IRF6: variants seen among roughly 807,000 people sequenced by gnomAD.
IRF6 encodes the protein Van der Woude syndrome.
In IRF6, 6 loss-of-function variants were observed where a neutral mutation model predicts 51.4. The observed-to-expected ratio is 0.12, with a 90% CI of 0.06 to 0.23. The LOEUF is 0.23. Among genes scored for constraint, IRF6 ranks in the 10% least tolerant of loss-of-function variants. IRF6 has a pLI of 1.00. For missense variants in IRF6, 348 were observed against 585.2 expected (o/e 0.59, Z 4.18); for synonymous variants, 178 against 215.7 (o/e 0.83, Z 1.53).
Position 209,801,221 on chromosome 1 carries a change from G to T in IRF6, c.174+19C>A. 2 of 1,522,518 alleles carry T rather than the reference G, an allele frequency of 1.3e-6. No homozygotes were observed. Among genetic ancestry groups the T allele is most frequent in the Non-Finnish European group, 9.1e-7 (1 of 1,101,426 alleles). The allele number at this position is 1,522,518 out of a possible 1,614,324, so 94.3% of individuals were successfully genotyped here. On this transcript the variant is annotated intron_variant, in intron 3 of 8. Transcript: ENST00000367021. ...AAAAAAAAATCCAGAAAGGTCTGATGGTAGAAGAAGTCCTTTACCTTAAAA... is the reference window on the plus strand; with the variant it reads ...AAAAAAAAATCCAGAAAGGTCTGATTGTAGAAGAAGTCCTTTACCTTAAAA...
At position 209,796,623 on chromosome 1, in the gene IRF6, T is replaced by TCATAGA. The variant is rs2077902971; in HGVS notation, c.175-77_175-72dup. Reference sequence around the variant, plus strand: ...CTGCAAAGCATGTGCTTACCCTTTCTCATAGACACAAACACACACACACAC... The same window carrying TCATAGA: ...CTGCAAAGCATGTGCTTACCCTTTCTCATAGACATAGACACAAACACACACACACAC... On this transcript the variant is annotated intron_variant, in intron 3 of 8. Transcript: ENST00000367021. The surrounding 1 kb of genome is among the most constrained non-coding windows in gnomAD (Gnocchi z 4.5). The TCATAGA allele has an allele frequency of 6.4e-6, 6 of 939,022 alleles. No homozygotes were observed. The South Asian group carries it at 8.2e-5, about 13-fold the overall frequency. 58.2% of individuals were successfully genotyped at this position (939,022 alleles called of 1,614,324 possible). A position where few individuals can be genotyped will look rare whatever the true frequency, so the allele number is the denominator to read the frequency against.
chr1:209,791,351 A>C (rs892624833), intron 6 of IRF6, among the ~76,000 whole-genome samples: 3 of 152,256 alleles, frequency 2.0e-5, no homozygotes, highest in African/African-American at 7.2e-5. Flanking sequence ...GATCTGCTCT[A>C]ATAATATACC....
chr1:209,805,511 A>C (rs2077968724), intron 1 of IRF6, among the ~76,000 whole-genome samples: 1 of 152,194 alleles, frequency 6.6e-6, no homozygotes. Context: ...AATGCTCCAA[A>C]GCTCCTGGCC....
intron 8 of IRF6, 73 bp downstream of exon 8, chr1:209,789,594 G>C: frequency 1.9e-6 from 2 of 1,067,226 alleles, no homozygotes; most frequent in Non-Finnish European, 2.9e-6. Context: ...CTTGATGAGG[G>C]CTCAACCCAG....
In IRF6 at chr1:209,796,890, G is replaced by A. The variant is rs192578071; in HGVS notation, c.175-338C>T. On this transcript the variant is annotated intron_variant, in intron 3 of 8. Transcript: ENST00000367021. The surrounding 1 kb of genome is among the most constrained non-coding windows in gnomAD (Gnocchi z 4.5). ...TGAAGGGCTGAAGATAAAGCCTGCT[G>A]AAAATATGCACCAAAGTGCAGATGG... Among the ~76,000 whole-genome samples, 6 of 152,364 alleles carry A rather than the reference G, an allele frequency of 3.9e-5. No homozygotes were observed. The highest frequency in any genetic ancestry group is 1.2e-4 in the African/African-American group (5 of 41,590).
intron 5 of IRF6, chr1:209,792,678 C>T (rs2077876462): frequency 1.8e-6 from 1 of 547,738 alleles, no homozygotes; most frequent in African/African-American, 1.9e-5. Flanking sequence ...TGAAGATTAA[C>T]ATAGACATGT....
At position 209,795,461 on chromosome 1, in the gene IRF6, C is replaced by T. The variant is rs1365947534; in HGVS notation, c.380-43G>A. The T allele has an allele frequency of 4.3e-6, 7 of 1,611,380 alleles. No individual in the cohort carries two copies. In the African/African-American group the frequency reaches 5.3e-5, roughly 12 times the overall value. Reference sequence around the variant, plus strand: ...GCTCGCAGGTGAGCCATTCAGGTTGCACTGCCACCCCTGCAGCTGACCCAC... The same window carrying T: ...GCTCGCAGGTGAGCCATTCAGGTTGTACTGCCACCCCTGCAGCTGACCCAC... On this transcript the variant is annotated intron_variant, in intron 4 of 8. Coordinates refer to ENST00000367021, the MANE Select transcript of IRF6 (RefSeq NM_006147.4).
chr1:209,797,829 T>G (rs954282399), intron 3 of IRF6, among the ~76,000 whole-genome samples: 1 of 152,200 alleles, frequency 6.6e-6, no homozygotes, highest in Non-Finnish European at 1.5e-5. Context: ...GATCTCTTTG[T>G]GCAGGAGTAC....
At chr1:209,803,754 C>T (rs2077957755) in intron 1 of IRF6, among the ~76,000 whole-genome samples, 1 of 152,124 alleles carries the variant, frequency 6.6e-6, no homozygotes, top group Non-Finnish European at 1.5e-5. Flanking sequence ...CCCAAATGGC[C>T]AAGACAGAAA....
Position 209,796,482 on chromosome 1 carries a change from T to C in IRF6, c.245A>G (p.Gln82Arg), listed in dbSNP as rs916433104. The change falls in exon 4 of 9, where the codon CAG becomes CGG. Residue 82 changes from glutamine (Q) to arginine (R), a missense_variant. Physicochemically the swap from Gln to Arg is conservative, Grantham distance 43. Around this residue, in one of 5 missense-constraint regions of IRF6, gnomAD observed 48 missense variants for 128.1 expected, o/e 0.37. Coordinates refer to ENST00000367021, the MANE Select transcript of IRF6 (RefSeq NM_006147.4). This position sits in a 1 kb window ranked among gnomAD's most constrained non-coding sequence, Gnocchi z 4.5. ...DDPDPAKWKA[Q>R]LRCALNKSRE... The stretch of plus-strand genomic sequence containing the variant: ...GCTCTTATTGAGAGCACAGCGCAGC[T>C]GGGCCTTCCATTTAGCTGGGTCAGG... The C allele has an allele frequency of 8.1e-6, 13 of 1,613,924 alleles. No individual in the cohort carries two copies. Among genetic ancestry groups the C allele is most frequent in the Non-Finnish European group, 1.1e-5 (13 of 1,180,050 alleles).
At chr1:209,795,540 T>A in intron 4 of IRF6, 122 bp from the exon 5 acceptor site, 2 of 1,415,158 alleles carry the variant, frequency 1.4e-6, no homozygotes, top group Non-Finnish European at 1.9e-6. Context: ...GTACACACCC[T>A]CAATGTCCTA....
In IRF6 at chr1:209,788,038, A is replaced by G. The variant is rs962741740; in HGVS notation, c.*382T>C. 1.5e-5 allele frequency: 4 copies of G among 269,374 alleles called. No homozygotes were observed. The highest frequency in any genetic ancestry group is 1.4e-5 in the Non-Finnish European group (2 of 139,072). The allele number at this position is 269,374 out of a possible 1,614,324, so 16.7% of individuals were successfully genotyped here. On this transcript the variant is annotated 3_prime_UTR_variant, in exon 9 of 9. Coordinates refer to ENST00000367021, the MANE Select transcript of IRF6 (RefSeq NM_006147.4). ...AAGAAGGTCATTGAGTCCGTTCTAA[A>G]GCTGGATGCAATTTCAGGCACTACT...
chr1:209,794,053 T>C (rs142700522), intron 5 of IRF6, among the ~76,000 whole-genome samples: 91 of 152,352 alleles, frequency 6.0e-4, no homozygotes, highest in African/African-American at 1.9e-3. Flanking sequence ...TGTGTCCCTA[T>C]GGTAGAACAG....
chr1:209,793,550 G>A (rs1421406918), intron 5 of IRF6, among the ~76,000 whole-genome samples: 2 of 151,160 alleles, frequency 1.3e-5, no homozygotes, highest in East Asian at 1.9e-4. Flanking sequence ...GGAATGTAAC[G>A]TGTGGCAATT....
At chr1:209,798,483 G>A (rs2077918431) in intron 3 of IRF6, among the ~76,000 whole-genome samples, 1 of 152,188 alleles carries the variant, frequency 6.6e-6, no homozygotes, top group South Asian at 2.1e-4. Flanking sequence ...ATGGAGAGCA[G>A]CCAGACCAAC....
intron 8 of IRF6, among the ~76,000 whole-genome samples, chr1:209,789,278 G>A (rs2077854033): frequency 6.6e-6 from 1 of 151,654 alleles, no homozygotes; most frequent in South Asian, 2.1e-4. Flanking sequence ...GGGCTGAGAT[G>A]GTGCCACTGC....
chr1:209,805,487 G>A (rs989333048), intron 1 of IRF6, among the ~76,000 whole-genome samples: 65 of 152,276 alleles, frequency 4.3e-4, no homozygotes, highest in Admixed American at 1.9e-3. Flanking sequence ...CTCAGGGAGG[G>A]AAGACAAACC....
At position 209,796,557 on chromosome 1, in the gene IRF6, G is replaced by C. The variant is rs7552506; in HGVS notation, c.175-5C>G. 556,808 of 1,609,454 alleles carry C rather than the reference G, an allele frequency of 0.35. 98,133 individuals carry two copies. Among genetic ancestry groups the C allele is most frequent in the Non-Finnish European group, 0.36 (427,454 of 1,177,916 alleles). On this transcript the variant is annotated splice_polypyrimidine_tract_variant and splice_region_variant and intron_variant, in intron 3 of 8. Transcript: ENST00000367021. The surrounding 1 kb of genome is among the most constrained non-coding windows in gnomAD (Gnocchi z 4.5). ...CCCTGTCTCTACAGCCCAGGCCTGAGAACAAGAAACCACAGTGAGTCCTAT... is the reference window on the plus strand; with the variant it reads ...CCCTGTCTCTACAGCCCAGGCCTGACAACAAGAAACCACAGTGAGTCCTAT...
chr1:209,797,789 C>A (rs1571984167), intron 3 of IRF6, among the ~76,000 whole-genome samples: 1 of 152,284 alleles, frequency 6.6e-6, no homozygotes, highest in East Asian at 1.9e-4. Flanking sequence ...AATGGGATAG[C>A]CACTCTCCCC....
Sources: allele counts gnomAD v4.1 joint callset (sites outside exome capture counted in the v4.1 genomes callset), GRCh38; gene constraint gnomAD v4.1.1; regional missense constraint gnomAD v4.1.1; non-coding constraint Gnocchi (gnomAD v3.1); transcripts MANE v1.5; gene names NCBI Gene and HGNC (gene_info 2026-07-23, HGNC 2026-07-21).